The following STRN variants were observed in gnomAD, a reference collection of about 807,000 sequenced individuals.
STRN encodes the protein striatin.
STRN carries 53 observed loss-of-function variants against 96.3 expected under a neutral mutation model. That is an observed-to-expected ratio of 0.55 (90% CI 0.44 to 0.69). STRN has a LOEUF of 0.69. Among genes scored for constraint, STRN ranks in the 30% least tolerant of loss-of-function variants. The probability of loss-of-function intolerance (pLI) is 0.00; values close to 1 mark genes in which losing one functional copy is unlikely to be tolerated. For synonymous variants in STRN, 428 were observed against 355.9 expected, an observed-to-expected ratio of 1.20 and a Z score of -2.28; for missense variants, 987 against 963.9, an observed-to-expected ratio of 1.02 and a Z score of -0.32.
At chr2:36,897,023 C>T (rs901794668) in intron 6 of STRN, among the ~76,000 whole-genome samples, 2 of 151,842 alleles carry the variant, frequency 1.3e-5, no homozygotes, top group African/African-American at 2.4e-5. Flanking sequence ...CAGCATCAGC[C>T]GGGTGTGGTG....
intron 13 of STRN, among the ~76,000 whole-genome samples, chr2:36,859,785 A>G (rs1668431415): frequency 6.6e-6 from 1 of 152,244 alleles, no homozygotes; most frequent in Non-Finnish European, 1.5e-5. Context: ...CAGATTTCAA[A>G]AAGGATGGAG....
chr2:36,937,852 CAGTT>C (rs1398212467), intron 1 of STRN, among the ~76,000 whole-genome samples: 4 of 151,932 alleles, frequency 2.6e-5, no homozygotes, highest in South Asian at 4.1e-4. Flanking sequence ...ACTCTCTTAA[CAGTT>C]AGCAGGAGGA....
At chr2:36,920,850 G>A (rs1463945762) in intron 2 of STRN, among the ~76,000 whole-genome samples, 1 of 151,978 alleles carries the variant, frequency 6.6e-6, no homozygotes, top group Non-Finnish European at 1.5e-5. Flanking sequence ...GCCAAGGCGG[G>A]CGGATCACAA....
At chr2:36,958,365 CACTA>C (rs1468400991) in intron 1 of STRN, among the ~76,000 whole-genome samples, 1 of 152,140 alleles carries the variant, frequency 6.6e-6, no homozygotes, top group Non-Finnish European at 1.5e-5. Context: ...AACGCAAAGA[CACTA>C]ACTAAAAAAT....
chr2:36,952,485 T>C (rs914027818), intron 1 of STRN, among the ~76,000 whole-genome samples: 2 of 151,346 alleles, frequency 1.3e-5, no homozygotes, highest in Non-Finnish European at 2.9e-5. Context: ...TATTTGCTTC[T>C]ACTTACCATG....
intron 6 of STRN, among the ~76,000 whole-genome samples, chr2:36,896,973 G>C (rs1669556294): frequency 6.6e-6 from 1 of 152,080 alleles, no homozygotes; most frequent in Non-Finnish European, 1.5e-5. Flanking sequence ...TTCGAGACCA[G>C]CCTGACCAAC....
chr2:36,942,650 G>A (rs1558663128), intron 1 of STRN, among the ~76,000 whole-genome samples: 3 of 152,250 alleles, frequency 2.0e-5, no homozygotes, highest in South Asian at 2.1e-4. Flanking sequence ...AGGTATGAGG[G>A]TAAAGTTCTA....
chr2:36,939,957 A>C (rs906467940), intron 1 of STRN, among the ~76,000 whole-genome samples: 1 of 152,312 alleles, frequency 6.6e-6, no homozygotes, highest in Non-Finnish European at 1.5e-5. Context: ...AGTAAAATCT[A>C]TTCATTCATT....
intron 1 of STRN, among the ~76,000 whole-genome samples, chr2:36,940,974 A>C (rs2148253284): frequency 6.6e-6 from 1 of 152,288 alleles, no homozygotes; most frequent in African/African-American, 2.4e-5. Flanking sequence ...ACAACATGGC[A>C]AAACCTCCTA....
chr2:36,862,500 A>T (rs952144610), intron 12 of STRN, among the ~76,000 whole-genome samples: 1 of 152,086 alleles, frequency 6.6e-6, no homozygotes, highest in Non-Finnish European at 1.5e-5. Context: ...TGTAATAATA[A>T]GTGTTGTTGA....
At chr2:36,873,672 C>T (rs867030748) in intron 10 of STRN, among the ~76,000 whole-genome samples, 11 of 152,078 alleles carry the variant, frequency 7.2e-5, no homozygotes, top group South Asian at 4.1e-4. Flanking sequence ...CGGCCAGGCG[C>T]GGTGGCTCAC....
chr2:36,873,429 G>A (rs1006466779), intron 10 of STRN, among the ~76,000 whole-genome samples: 3 of 152,098 alleles, frequency 2.0e-5, no homozygotes, highest in African/African-American at 7.2e-5. Flanking sequence ...GTGTACTGGT[G>A]AACATCTGTA....
intron 3 of STRN, among the ~76,000 whole-genome samples, chr2:36,914,183 G>T (rs1363665542): frequency 3.3e-5 from 5 of 152,096 alleles, no homozygotes; most frequent in Non-Finnish European, 7.4e-5. Context: ...CAGAGACAGG[G>T]TCTTGCTACA....
At chr2:36,895,432 T>A (rs72785092) in intron 6 of STRN, among the ~76,000 whole-genome samples, 3,511 of 152,224 alleles carry the variant, frequency 0.023, 69 homozygotes, top group Non-Finnish European at 0.036. Flanking sequence ...CAAGAAATAC[T>A]TCTATGCTTA....
chr2:36,963,792 AC>A (rs1558673115), intron 1 of STRN, among the ~76,000 whole-genome samples: 1 of 152,018 alleles, frequency 6.6e-6, no homozygotes, highest in Non-Finnish European at 1.5e-5. Flanking sequence ...CCCCGTCTCT[AC>A]CAAAAATACA....
At chr2:36,960,894 T>C (rs1424277558) in intron 1 of STRN, among the ~76,000 whole-genome samples, 1 of 152,028 alleles carries the variant, frequency 6.6e-6, no homozygotes, top group Non-Finnish European at 1.5e-5. Flanking sequence ...TGTTTGTTTG[T>C]TTGTTTGATT....
At chr2:36,876,737 G>A (rs972511168) in intron 10 of STRN, among the ~76,000 whole-genome samples, 3 of 141,614 alleles carry the variant, frequency 2.1e-5, no homozygotes, top group African/African-American at 7.7e-5. Flanking sequence ...TTATTGTGAT[G>A]AGCAATTATA....
intron 10 of STRN, among the ~76,000 whole-genome samples, chr2:36,874,717 T>TAAAAAAA (rs35268065): frequency 2.1e-4 from 18 of 86,268 alleles, no homozygotes; most frequent in East Asian, 1.1e-3. Flanking sequence ...TGTTTAGAGT[T>TAAAAAAA]AAAAAAAAAA....
chr2:36,853,743 T>TA (rs1183405053), intron 15 of STRN, among the ~76,000 whole-genome samples: 4 of 152,240 alleles, frequency 2.6e-5, no homozygotes, highest in East Asian at 1.9e-4. Flanking sequence ...TTCATTTTTT[T>TA]AAAAAAATAT....
Sources: allele counts gnomAD v4.1 joint callset (sites outside exome capture counted in the v4.1 genomes callset), GRCh38; gene constraint gnomAD v4.1.1; transcripts MANE v1.5; gene names NCBI Gene and HGNC (gene_info 2026-07-23, HGNC 2026-07-21).